AFAP1L2: variants seen among roughly 807,000 people sequenced by gnomAD.
AFAP1L2 encodes the protein actin filament-associated protein 1-like 2.
AFAP1L2 carries 46 observed loss-of-function variants against 99.3 expected under a neutral mutation model. The ratio of observed to expected loss-of-function variants is 0.46; its 90% CI spans 0.37 to 0.59. The LOEUF is 0.59. Among genes scored for constraint, AFAP1L2 ranks in the 20% least tolerant of loss-of-function variants. The probability of loss-of-function intolerance (pLI) is 0.00; values close to 1 mark genes in which losing one functional copy is unlikely to be tolerated. For missense variants in AFAP1L2, 959 were observed against 1,034.9 expected (o/e 0.93, Z 1.01); for synonymous variants, 397 against 419.1 (o/e 0.95, Z 0.64).
At chr10:114,292,227 A>C (rs564036572), downstream of AFAP1L2, among the ~76,000 whole-genome samples, 1 of 151,490 alleles carries the variant, frequency 6.6e-6, no homozygotes, top group Non-Finnish European at 1.5e-5. Context: ...CAGTGAGCCG[A>C]GATCTCACCA....
chr10:114,291,072 C>T (rs2039546238), downstream of AFAP1L2: 1 of 945,276 alleles, frequency 1.1e-6, no homozygotes, highest in South Asian at 1.4e-5. Context: ...AGGATAATCA[C>T]ATGGGGTCTC....
chr10:114,365,162 C>A (rs1312950675), intron 1 of AFAP1L2, among the ~76,000 whole-genome samples: 1 of 152,196 alleles, frequency 6.6e-6, no homozygotes, highest in Admixed American at 6.5e-5. Context: ...TTAAGGCCTG[C>A]CTCTCCTCTC....
chr10:114,393,557 A>T (rs187939492), intron 1 of AFAP1L2: 4 of 152,324 alleles, frequency 2.6e-5, no homozygotes, highest in South Asian at 2.1e-4. Flanking sequence ...AGCCTCTTTC[A>T]TCGTGAGTAG....
the AFAP1L2 span, chr10:114,289,279 G>T: frequency 2.5e-6 from 4 of 1,614,092 alleles, no homozygotes; most frequent in African/African-American, 4.0e-5. Flanking sequence ...AGCTGTGGTG[G>T]TGCTCACAGG....
chr10:114,302,419 T>TGTC lies in AFAP1L2; in HGVS notation c.1347_1349dup (p.Thr450dup), dbSNP rs1157086581. The TGTC allele has an allele frequency of 6.2e-7, 1 of 1,614,076 alleles. No individual in the cohort carries two copies. Among genetic ancestry groups the TGTC allele is most frequent in the Non-Finnish European group, 8.5e-7 (1 of 1,180,034 alleles). On this transcript the variant is annotated inframe_insertion, in exon 12 of 19. Coordinates refer to ENST00000304129, the MANE Select transcript of AFAP1L2 (RefSeq NM_001001936.3). Reference sequence around the variant, plus strand: ...AGTCGTAGGTGAACTCTTCTGGGTCTGTCTTGGAGCCTGACTCAGAGAGCA... The same window carrying TGTC: ...AGTCGTAGGTGAACTCTTCTGGGTCTGTCGTCTTGGAGCCTGACTCAGAGAGCA...
chr10:114,384,249 C>T (rs985725477), intron 1 of AFAP1L2, among the ~76,000 whole-genome samples: 6 of 152,124 alleles, frequency 3.9e-5, no homozygotes, highest in East Asian at 1.9e-4. Context: ...TCCTTGCCTC[C>T]GCCTCTGTCT....
chr10:114,296,845 C>T, intron 18 of AFAP1L2, 133 bp downstream of exon 18: 11 of 1,484,420 alleles, frequency 7.4e-6, no homozygotes, highest in Non-Finnish European at 7.4e-6. Context: ...GCCATGGCCA[C>T]TCCTTGGTGA....
At chr10:114,369,196 C>T (rs1446092382) in intron 1 of AFAP1L2, among the ~76,000 whole-genome samples, 1 of 152,100 alleles carries the variant, frequency 6.6e-6, no homozygotes, top group Non-Finnish European at 1.5e-5. Context: ...GTAACTCACG[C>T]TTGTAATCCC....
At chr10:114,292,201 T>C (rs2039666128), downstream of AFAP1L2, among the ~76,000 whole-genome samples, 1 of 151,754 alleles carries the variant, frequency 6.6e-6, no homozygotes, top group South Asian at 2.1e-4. Context: ...GGCTTGAACC[T>C]GGGAGGCGGA....
At chr10:114,289,861 A>T (rs900647314), downstream of AFAP1L2, 1 of 344,650 alleles carries the variant, frequency 2.9e-6, no homozygotes. Context: ...GGCCAGCCCA[A>T]ATCCAGTGAC....
At chr10:114,285,666 GAC>G in the AFAP1L2 span, among the ~76,000 whole-genome samples, 3 of 152,312 alleles carry the variant, frequency 2.0e-5, no homozygotes, top group Middle Eastern at 6.8e-3. Flanking sequence ...GATTTCTCAG[GAC>G]ACACACAGGA....
intron 1 of AFAP1L2, among the ~76,000 whole-genome samples, chr10:114,361,873 C>T (rs2052477360): frequency 6.6e-6 from 1 of 152,158 alleles, no homozygotes; most frequent in Non-Finnish European, 1.5e-5. Flanking sequence ...GTTATATTAG[C>T]TTTTCTGCAC....
intron 13 of AFAP1L2, 90 bp from the exon 14 acceptor site, chr10:114,300,780 G>A (rs1028539184): frequency 6.9e-5 from 102 of 1,482,986 alleles, no homozygotes; most frequent in Non-Finnish European, 5.0e-5. Flanking sequence ...CAGTTCTGGT[G>A]CCCATCTCAC....
At chr10:114,338,084 A>G (rs1227218173) in intron 2 of AFAP1L2, among the ~76,000 whole-genome samples, 1 of 152,238 alleles carries the variant, frequency 6.6e-6, no homozygotes, top group East Asian at 1.9e-4. Context: ...TGATTCCTCC[A>G]GAAGAGAAGA....
At chr10:114,380,516 G>A (rs1834306817) in intron 1 of AFAP1L2, among the ~76,000 whole-genome samples, 1 of 152,156 alleles carries the variant, frequency 6.6e-6, no homozygotes, top group African/African-American at 2.4e-5. Flanking sequence ...GAACAATGTT[G>A]GGTTTGATTT....
chr10:114,397,260 T>C (rs781475947), intron 1 of AFAP1L2, among the ~76,000 whole-genome samples: 1 of 152,200 alleles, frequency 6.6e-6, no homozygotes, highest in South Asian at 2.1e-4. Flanking sequence ...GGCTCACGCC[T>C]TCCCCCAGTC....
chr10:114,290,916 T>C (rs747300069), downstream of AFAP1L2, among the ~76,000 whole-genome samples: 1 of 152,114 alleles, frequency 6.6e-6, no homozygotes, highest in Non-Finnish European at 1.5e-5. Flanking sequence ...AGAGTGATCG[T>C]TGGGAGGCAT....
chr10:114,329,993 G>A (rs1165418613), intron 4 of AFAP1L2, among the ~76,000 whole-genome samples: 1 of 152,182 alleles, frequency 6.6e-6, no homozygotes, highest in African/African-American at 2.4e-5. Context: ...GAGGCTCAGG[G>A]TGTAGCAGTC....
At chr10:114,322,227 G>A (rs892663890) in intron 5 of AFAP1L2, among the ~76,000 whole-genome samples, 18 of 152,290 alleles carry the variant, frequency 1.2e-4, no homozygotes, top group African/African-American at 1.7e-4. Context: ...AGTCTCGGGC[G>A]TGTCTTTATT....
Sources: allele counts gnomAD v4.1 joint callset (sites outside exome capture counted in the v4.1 genomes callset), GRCh38; gene constraint gnomAD v4.1.1; transcripts MANE v1.5; gene names NCBI Gene and HGNC (gene_info 2026-07-23, HGNC 2026-07-21).